Variants in ARMCX4 observed in about 807,000 individuals in gnomAD.
ARMCX4 encodes armadillo repeat containing X-linked 4, also known as armadillo repeat-containing X-linked protein 4.
Under a neutral mutation model 34.7 loss-of-function variants are expected in ARMCX4, and 3 were observed. That is an observed-to-expected ratio of 0.09 (90% CI 0.04 to 0.22). The LOEUF is 0.22. ARMCX4 is among the 10% of genes least tolerant of loss of function. ARMCX4 has a pLI of 1.00. For missense variants in ARMCX4, 1,448 were observed against 1,720.8 expected (o/e 0.84, Z 2.81); for synonymous variants, 513 against 632.8 (o/e 0.81, Z 2.84).
chrX:101,506,750 G>T (rs1934460072), intron 8 of ARMCX4, among the ~76,000 whole-genome samples: 1 of 110,770 alleles, frequency 9.0e-6, no homozygotes, highest in Non-Finnish European at 1.9e-5. Flanking sequence ...TCTTTACACA[G>T]AATTGGAGTA....
chrX:101,433,369 C>CATATGTACAT (rs1165645886), intron 2 of ARMCX4, among the ~76,000 whole-genome samples: 1 of 108,577 alleles, frequency 9.2e-6, no homozygotes, highest in Non-Finnish European at 1.9e-5. Flanking sequence ...TACATATAAA[C>CATATGTACAT]ATATGTACAT....
chrX:101,474,759 AC>A (rs1242110571), intron 4 of ARMCX4, among the ~76,000 whole-genome samples: 2 of 91,615 alleles, frequency 2.2e-5, no homozygotes, highest in Non-Finnish European at 4.3e-5. Flanking sequence ...AAATTCAACA[AC>A]CCTTCATGCT....
At chrX:101,457,325 C>T (rs1932343499) in intron 4 of ARMCX4, among the ~76,000 whole-genome samples, 1 of 112,047 alleles carries the variant, frequency 8.9e-6, no homozygotes, top group African/African-American at 3.2e-5. Flanking sequence ...CTGAAGCTCT[C>T]TTTTTTGTGA....
intron 4 of ARMCX4, among the ~76,000 whole-genome samples, chrX:101,461,347 T>A (rs1161924201): frequency 1.8e-5 from 2 of 112,357 alleles, no homozygotes; most frequent in Non-Finnish European, 3.8e-5. Context: ...GTCTGGCTTC[T>A]TTCACTTAGC....
rs191958274 is a variant in ARMCX4, at chrX:101,462,279, G to A, written c.-473+16235G>A. 3.6e-3 allele frequency among the ~76,000 whole-genome samples: 398 copies of A among 111,585 alleles called. 1 individual carries two copies. The highest frequency in any genetic ancestry group is 0.012 in the African/African-American group (377 of 30,804). ...GGAGTGAGAGTCAGGCAGATGAAAGGATAAATTTAATTTACACATACACCT... is the reference window on the plus strand; with the variant it reads ...GGAGTGAGAGTCAGGCAGATGAAAGAATAAATTTAATTTACACATACACCT... On this transcript the variant is annotated intron_variant and NMD_transcript_variant, in intron 4 of 15. Coordinates refer to the ARMCX4 transcript ENST00000433011.
chrX:101,449,393 T>C (rs1931850139), downstream of ARMCX4, among the ~76,000 whole-genome samples: 1 of 112,217 alleles, frequency 8.9e-6, no homozygotes, highest in South Asian at 3.7e-4. Context: ...TTCATTTATT[T>C]AAATTCTTTT....
chrX:101,439,151 T>C (rs1224932398), intron 2 of ARMCX4, among the ~76,000 whole-genome samples: 1 of 112,091 alleles, frequency 8.9e-6, no homozygotes, highest in Admixed American at 9.5e-5. Flanking sequence ...CAGGAGTTCT[T>C]TTAGGGCAGG....
intron 4 of ARMCX4, among the ~76,000 whole-genome samples, chrX:101,466,379 C>T (rs922780283): frequency 9.0e-6 from 1 of 111,519 alleles, no homozygotes; most frequent in African/African-American, 3.3e-5. Context: ...AATCCCACTC[C>T]TCAGTATTTA....
chrX:101,425,671 A>T (rs1929567566), intron 2 of ARMCX4, among the ~76,000 whole-genome samples: 1 of 110,838 alleles, frequency 9.0e-6, no homozygotes, highest in South Asian at 3.8e-4. Flanking sequence ...CTGGGATTAC[A>T]GGTGTGAGGT....
chrX:101,428,843 C>T (rs1038318968), intron 2 of ARMCX4, among the ~76,000 whole-genome samples: 1 of 107,283 alleles, frequency 9.3e-6, no homozygotes, highest in African/African-American at 3.4e-5. Context: ...TATCTTTGGG[C>T]CTTCACTTCT....
intron 4 of ARMCX4, among the ~76,000 whole-genome samples, chrX:101,480,297 C>G (rs1933392599): frequency 9.0e-6 from 1 of 110,584 alleles, no homozygotes; most frequent in Non-Finnish European, 1.9e-5. Flanking sequence ...GATTATAGCC[C>G]TGGCTCATGC....
intron 8 of ARMCX4, among the ~76,000 whole-genome samples, chrX:101,506,516 T>TGA (rs782389750): frequency 2.0e-3 from 221 of 109,573 alleles, no homozygotes; most frequent in Non-Finnish European, 3.6e-3. Flanking sequence ...CTTGGTGCGT[T>TGA]GAGAGAGAGA....
chrX:101,477,430 C>CAAAAA (rs1156582627), intron 4 of ARMCX4, among the ~76,000 whole-genome samples: 158 of 12,496 alleles, frequency 0.013, 30 homozygotes, highest in African/African-American at 0.029. Flanking sequence ...GACTCTGTCT[C>CAAAAA]AAAAAAAAAA....
chrX:101,482,601 A>G (rs1264048931), upstream of ARMCX4, among the ~76,000 whole-genome samples: 21 of 108,967 alleles, frequency 1.9e-4, no homozygotes, highest in Non-Finnish European at 3.8e-4. Flanking sequence ...ATGTCGGGAA[A>G]CCTATGTAGG....
Position 101,463,666 on chromosome X carries a change from T to C in ARMCX4, c.-473+17622T>C, listed in dbSNP as rs180848180. Among the ~76,000 whole-genome samples the C allele has an allele frequency of 1.9e-3, 211 of 111,937 alleles. 1 individual carries two copies. Among genetic ancestry groups the C allele is most frequent in the African/African-American group, 6.7e-3 (207 of 30,790 alleles). On this transcript the variant is annotated intron_variant and NMD_transcript_variant, in intron 4 of 15. Coordinates refer to the ARMCX4 transcript ENST00000433011. ...AGCTTGGTAGTGATAATGAACAGTA[T>C]TATTTTGCTCTATAACAAAGAGGAA...
Position 101,494,497 on chromosome X carries a change from A to C in ARMCX4, c.5908A>C (p.Lys1970Gln). The change falls in exon 6 of 6, where the codon AAG (lysine) becomes CAG (glutamine). Residue 1970 changes from lysine (K) to glutamine (Q), a missense_variant. Around this residue, in one of 2 missense-constraint regions of ARMCX4, gnomAD observed 1,343 missense variants for 1,540.7 expected, o/e 0.87. Coordinates refer to ENST00000423738, the MANE Select transcript of ARMCX4 (RefSeq NM_001256155.3). ...ATCTGCACCTAAGGCTAAAGCCAAA[A>C]AGTCATCTGAGTCAAGAGGCATATA... is the stretch of plus-strand genomic sequence containing the variant. ...DKSAPKAKAKKSSESRGIYPY... is the reference protein window; with the variant it reads ...DKSAPKAKAKQSSESRGIYPY... 1 of 1,155,356 alleles carries C rather than the reference A, an allele frequency of 8.7e-7. No homozygotes were observed. Among genetic ancestry groups the C allele is most frequent in the South Asian group, 1.9e-5 (1 of 52,701 alleles).
Position 101,492,149 on chromosome X carries a change from C to A in ARMCX4, c.3560C>A (p.Ala1187Asp). 1 of 1,152,176 alleles carries A rather than the reference C, an allele frequency of 8.7e-7. No homozygotes were observed. Among genetic ancestry groups the A allele is most frequent in the South Asian group, 1.9e-5 (1 of 52,336 alleles). The allele number at this position is 1,152,176 out of a possible 1,213,427, so 95.0% of individuals were successfully genotyped here. A position where few individuals can be genotyped will look rare whatever the true frequency, so the allele number is the denominator to read the frequency against. ...IGTWARAGEQ[A>D]SGGLWAGGQT... ...ACTTGGGCTAGAGCTGGGGAGCAGG[C>A]CAGTGGAGGGCTCTGGGCTGGGGGT... Residue 1187 changes from alanine (A) to aspartate (D), a missense_variant, in exon 6 of 6, where the codon GCC becomes GAC. Physicochemically the swap from Ala to Asp is moderately radical, Grantham distance 126 (BLOSUM62 -2). Transcript: ENST00000423738.
chrX:101,512,073 G>A (rs138687466), intron 11 of ARMCX4, among the ~76,000 whole-genome samples: 1 of 111,237 alleles, frequency 9.0e-6, no homozygotes, highest in African/African-American at 3.3e-5. Flanking sequence ...GGGTCTAACT[G>A]CCCCTTATTA....
At chrX:101,429,819 A>C (rs1244357733) in intron 2 of ARMCX4, among the ~76,000 whole-genome samples, 1 of 111,743 alleles carries the variant, frequency 8.9e-6, no homozygotes. Context: ...TACTAGTATA[A>C]CAACTAGGGA....
Sources: allele counts gnomAD v4.1 joint callset (sites outside exome capture counted in the v4.1 genomes callset), GRCh38; gene constraint gnomAD v4.1.1; regional missense constraint gnomAD v4.1.1; transcripts MANE v1.5; gene names NCBI Gene and HGNC (gene_info 2026-07-23, HGNC 2026-07-21).